FER: variants seen among roughly 807,000 people sequenced by gnomAD.
FER encodes the protein FER tyrosine kinase.
FER carries 63 observed loss-of-function variants against 111.0 expected under a neutral mutation model. The observed-to-expected ratio is 0.57, with a 90% CI of 0.46 to 0.70. The LOEUF is 0.70. FER is among the 30% of genes least tolerant of loss of function. The pLI is 0.00. For missense variants in FER, 914 were observed against 954.0 expected, an observed-to-expected ratio of 0.96 and a Z score of 0.55; for synonymous variants, 327 against 313.9, an observed-to-expected ratio of 1.04 and a Z score of -0.44.
At chr5:109,000,251 T>G (rs1332096098) in intron 13 of FER, among the ~76,000 whole-genome samples, 2 of 151,818 alleles carry the variant, frequency 1.3e-5, no homozygotes, top group Non-Finnish European at 2.9e-5. Context: ...TCAAAAAGCA[T>G]CATAAACAGA....
At chr5:109,074,145 A>G (rs985651616) in intron 16 of FER, among the ~76,000 whole-genome samples, 4 of 152,230 alleles carry the variant, frequency 2.6e-5, no homozygotes, top group African/African-American at 9.6e-5. Context: ...CACTGTTTTA[A>G]GCACTTAACA....
chr5:108,891,083 T>G (rs1251363613), intron 9 of FER, among the ~76,000 whole-genome samples: 1 of 152,160 alleles, frequency 6.6e-6, no homozygotes, highest in Non-Finnish European at 1.5e-5. Flanking sequence ...AGATGTGTAG[T>G]GATATCTCAT....
intron 14 of FER, among the ~76,000 whole-genome samples, chr5:109,040,442 A>G (rs1465817069): frequency 6.6e-6 from 1 of 152,108 alleles, no homozygotes; most frequent in Non-Finnish European, 1.5e-5. Flanking sequence ...CTTGGAAGAC[A>G]AGAAGAGAAA....
chr5:109,102,682 T>C (rs1748393818), intron 17 of FER, among the ~76,000 whole-genome samples: 1 of 152,218 alleles, frequency 6.6e-6, no homozygotes, highest in Non-Finnish European at 1.5e-5. Flanking sequence ...CTATCTGGTT[T>C]CTTATTTCCT....
At chr5:109,027,536 C>T (rs72790554) in intron 13 of FER, among the ~76,000 whole-genome samples, 28,200 of 152,078 alleles carry the variant, frequency 0.19, 2,777 homozygotes, top group Non-Finnish European at 0.22. Context: ...AGTCACACTT[C>T]TAATCACTCT....
intron 17 of FER, among the ~76,000 whole-genome samples, chr5:109,115,972 T>C (rs746949144): frequency 6.6e-6 from 1 of 152,078 alleles, no homozygotes; most frequent in Non-Finnish European, 1.5e-5. Flanking sequence ...GTTTTTCATA[T>C]AAAAGAAGAT....
intron 7 of FER, 105 bp downstream of exon 7, chr5:108,871,607 GACATAGAA>G: frequency 1.3e-6 from 1 of 779,022 alleles, no homozygotes; most frequent in Non-Finnish European, 1.9e-6. Flanking sequence ...ATCTTATTAA[GACATAGAA>G]TATTTCATAT....
At chr5:109,185,200 CA>C (rs1415584430) in intron 18 of FER, among the ~76,000 whole-genome samples, 2 of 151,942 alleles carry the variant, frequency 1.3e-5, no homozygotes, top group Non-Finnish European at 2.9e-5. Flanking sequence ...AGGAGACTAC[CA>C]AAAAAATTCT....
chr5:109,014,570 T>G (rs896883803), intron 13 of FER, among the ~76,000 whole-genome samples: 18 of 152,256 alleles, frequency 1.2e-4, no homozygotes, highest in South Asian at 6.2e-4. Context: ...TGTGGGCTCT[T>G]TTTTGGTTCC....
At chr5:109,061,691 A>G (rs1019648193) in intron 16 of FER, among the ~76,000 whole-genome samples, 1 of 152,222 alleles carries the variant, frequency 6.6e-6, no homozygotes, top group African/African-American at 2.4e-5. Context: ...AGCTCGTTTC[A>G]GTAAACAGGA....
chr5:108,934,940 A>T (rs1389084582), intron 10 of FER, among the ~76,000 whole-genome samples: 1 of 152,174 alleles, frequency 6.6e-6, no homozygotes, highest in Non-Finnish European at 1.5e-5. Flanking sequence ...GGATTGGAAA[A>T]AAAGAAAAAA....
Position 108,959,248 on chromosome 5 carries a change from T to C in FER, c.1557T>C (p.Thr519=), listed in dbSNP as rs34320303. Residue 519 remains threonine (T), a synonymous_variant, in exon 13 of 20, where the codon ACT becomes ACC. Coordinates refer to ENST00000281092, the MANE Select transcript of FER (RefSeq NM_005246.4). Reference sequence around the variant, plus strand: ...AGAACATGTATCGATTCGAGGGCACTGGGTTTTCAAACATTCCTCAACTTA... The same window carrying C: ...AGAACATGTATCGATTCGAGGGCACCGGGTTTTCAAACATTCCTCAACTTA... ...YVDNMYRFEG[T]GFSNIPQLID... is the part of the protein sequence containing the mutation. The C allele has an allele frequency of 1.8e-3, 2,923 of 1,611,680 alleles. 42 individuals carry two copies. In the African/African-American group the frequency reaches 0.035, roughly 20 times the overall value.
chr5:109,186,458 C>T (rs941861492), intron 19 of FER, 136 bp downstream of exon 19: 46 of 1,259,338 alleles, frequency 3.7e-5, no homozygotes, highest in Non-Finnish European at 5.0e-5. Flanking sequence ...GGTTCAGAAG[C>T]AGATTTATCT....
intron 17 of FER, among the ~76,000 whole-genome samples, chr5:109,140,397 T>G (rs1753397296): frequency 6.6e-6 from 1 of 152,206 alleles, no homozygotes; most frequent in Non-Finnish European, 1.5e-5. Context: ...GCCAAGTTTT[T>G]CATCTGCATT....
chr5:109,187,686 C>CATT lies in FER; in HGVS notation c.*115_*117dup, dbSNP rs1759035465. Reference sequence around the variant, plus strand: ...CACATTACCTTCGACAGTCTTCTACCATTATTTTTTATTAACTGGGTGTTT... The same window carrying CATT: ...CACATTACCTTCGACAGTCTTCTACCATTATTATTTTTTATTAACTGGGTGTTT... On this transcript the variant is annotated 3_prime_UTR_variant, in exon 20 of 20. Coordinates refer to ENST00000281092, the MANE Select transcript of FER (RefSeq NM_005246.4). 6.1e-6 allele frequency: 8 copies of CATT among 1,306,252 alleles called. No homozygotes were observed. In the Admixed American group the frequency reaches 2.1e-4, roughly 34 times the overall value. 80.9% of individuals were successfully genotyped at this position (1,306,252 alleles called of 1,614,324 possible). A position where few individuals can be genotyped will look rare whatever the true frequency, so the allele number is the denominator to read the frequency against.
intron 17 of FER, among the ~76,000 whole-genome samples, chr5:109,161,794 A>G (rs1299711766): frequency 1.3e-5 from 2 of 152,054 alleles, no homozygotes; most frequent in Non-Finnish European, 2.9e-5. Flanking sequence ...CCCCAATGTG[A>G]TTGCTTGGTC....
At chr5:109,015,560 G>A (rs1766971386) in intron 13 of FER, among the ~76,000 whole-genome samples, 2 of 151,968 alleles carry the variant, frequency 1.3e-5, no homozygotes, top group African/African-American at 4.8e-5. Context: ...ATCTGCCAGT[G>A]GAGACTGACA....
chr5:109,099,108 G>A (rs912659444), intron 16 of FER, among the ~76,000 whole-genome samples: 2 of 151,414 alleles, frequency 1.3e-5, no homozygotes, highest in Non-Finnish European at 3.0e-5. Context: ...TTAATATCTG[G>A]GGGCCTAATA....
intron 17 of FER, among the ~76,000 whole-genome samples, chr5:109,134,003 T>A (rs957617263): frequency 6.6e-6 from 1 of 152,028 alleles, no homozygotes; most frequent in Non-Finnish European, 1.5e-5. Context: ...GAATAATTTT[T>A]CTCTCTTCCT....
Sources: gnomAD v4.1 joint callset for allele counts (sites outside exome capture counted in the v4.1 genomes callset) on GRCh38, gnomAD v4.1.1 for gene constraint, MANE v1.5 for transcripts, NCBI Gene and HGNC (gene_info 2026-07-23, HGNC 2026-07-21) for gene names.